FOXN3: variants seen among roughly 807,000 people sequenced by gnomAD.
The protein encoded by FOXN3 is forkhead box N3, also known as forkhead box protein N3.
FOXN3 carries 7 observed loss-of-function variants against 38.4 expected under a neutral mutation model. The observed-to-expected ratio is 0.18, with a 90% CI of 0.10 to 0.34. FOXN3 has a LOEUF of 0.34. FOXN3 is among the 10% of genes least tolerant of loss of function. The pLI is 1.00. For synonymous variants in FOXN3, 230 were observed against 242.2 expected, an observed-to-expected ratio of 0.95 and a Z score of 0.47; for missense variants, 456 against 613.4, an observed-to-expected ratio of 0.74 and a Z score of 2.71.
At position 89,357,857 on chromosome 14, in the gene FOXN3, C is replaced by T. The variant is rs539129416; in HGVS notation, c.544-7049G>A. ...AAAACTTATTCTCGCTATTATGCAA[C>T]GCGCGACTGTATCTGGAGGAATGGA... is the stretch of plus-strand genomic sequence containing the variant. On this transcript the variant is annotated intron_variant, in intron 2 of 5. Coordinates refer to ENST00000557258, the MANE Select transcript of FOXN3 (RefSeq NM_005197.4). Among the ~76,000 whole-genome samples, 7 of 152,254 alleles carry T rather than the reference C, an allele frequency of 4.6e-5. No homozygotes were observed. In the South Asian group the frequency reaches 8.3e-4, roughly 18 times the overall value.
chr14:89,382,756 T>C (rs191732401), intron 2 of FOXN3, among the ~76,000 whole-genome samples: 1 of 152,314 alleles, frequency 6.6e-6, no homozygotes, highest in East Asian at 1.9e-4. Flanking sequence ...TTGAGCTCTT[T>C]AGATAACATA....
At chr14:89,497,923 G>GA (rs1555357089) in intron 1 of FOXN3, among the ~76,000 whole-genome samples, 1 of 150,812 alleles carries the variant, frequency 6.6e-6, no homozygotes, top group Non-Finnish European at 1.5e-5. Context: ...TGTTTGTTTG[G>GA]TTTTTTTTTG....
intron 1 of FOXN3, among the ~76,000 whole-genome samples, chr14:89,566,727 C>T (rs1001239362): frequency 2.6e-5 from 4 of 152,136 alleles, no homozygotes; most frequent in Non-Finnish European, 5.9e-5. Context: ...CCCTAGGACA[C>T]CTGGGTGAAG....
At chr14:89,173,106 T>C (rs891034945) in intron 5 of FOXN3, among the ~76,000 whole-genome samples, 1 of 151,962 alleles carries the variant, frequency 6.6e-6, no homozygotes, top group African/African-American at 2.4e-5. Context: ...AGAACTCCTA[T>C]GAAGAGAAGA....
At chr14:89,209,119 A>G (rs376467836) in intron 4 of FOXN3, among the ~76,000 whole-genome samples, 2 of 152,356 alleles carry the variant, frequency 1.3e-5, no homozygotes, top group African/African-American at 4.8e-5. Context: ...GATATTCCAT[A>G]TATATGAATG....
chr14:89,278,802 A>G (rs528563827), intron 4 of FOXN3, among the ~76,000 whole-genome samples: 1 of 152,306 alleles, frequency 6.6e-6, no homozygotes, highest in South Asian at 2.1e-4. Context: ...TACATTTTTG[A>G]AAACAGAAAG....
At chr14:89,232,248 C>T (rs1022628291) in intron 4 of FOXN3, among the ~76,000 whole-genome samples, 1 of 152,236 alleles carries the variant, frequency 6.6e-6, no homozygotes, top group East Asian at 1.9e-4. Context: ...AACTGCTCAT[C>T]TGTAGGAGGA....
At chr14:89,471,313 TCTC>T (rs1290049297) in intron 1 of FOXN3, among the ~76,000 whole-genome samples, 1 of 152,030 alleles carries the variant, frequency 6.6e-6, no homozygotes, top group African/African-American at 2.4e-5. Flanking sequence ...TGTAAAGAAT[TCTC>T]CTGGGCCGGC....
chr14:89,382,847 C>T (rs1890687698), intron 2 of FOXN3, among the ~76,000 whole-genome samples: 1 of 152,082 alleles, frequency 6.6e-6, no homozygotes, highest in African/African-American at 2.4e-5. Flanking sequence ...TTGATGATGA[C>T]ATGTACGTGA....
intron 4 of FOXN3, among the ~76,000 whole-genome samples, chr14:89,196,713 G>A (rs2139814710): frequency 6.6e-6 from 1 of 152,272 alleles, no homozygotes; most frequent in East Asian, 1.9e-4. Flanking sequence ...TCCCTGCCAG[G>A]TCTGTTTCAC....
At chr14:89,330,741 T>C (rs1888224193) in intron 3 of FOXN3, among the ~76,000 whole-genome samples, 1 of 152,098 alleles carries the variant, frequency 6.6e-6, no homozygotes, top group Non-Finnish European at 1.5e-5. Context: ...ACATGAAAGG[T>C]CATTGGCTAA....
chr14:89,553,040 G>A (rs1369194353), intron 1 of FOXN3, among the ~76,000 whole-genome samples: 2 of 151,236 alleles, frequency 1.3e-5, no homozygotes, highest in Admixed American at 6.6e-5. Context: ...GGAGTTCAAG[G>A]CAAGCCTGTG....
At chr14:89,418,733 A>G (rs1454264157), upstream of FOXN3, among the ~76,000 whole-genome samples, 1 of 150,570 alleles carries the variant, frequency 6.6e-6, no homozygotes, top group African/African-American at 2.4e-5. Context: ...GTGGTAACAA[A>G]GCCAGGATGA....
In FOXN3 at chr14:89,552,912, G is replaced by C. The variant is rs182316030; in HGVS notation, c.-15+66116C>G. 1.9e-4 allele frequency among the ~76,000 whole-genome samples: 29 copies of C among 152,242 alleles called. No individual in the cohort carries two copies. The East Asian group carries it at 5.2e-3, about 27-fold the overall frequency. On this transcript the variant is annotated intron_variant, in intron 1 of 6. Transcript: ENST00000345097. ...TCTCCAAAAAGCAAAAAGTGATGGT[G>C]AGTCAACATGAAGGGACTCTTTCAA... is the stretch of plus-strand genomic sequence containing the variant.
chr14:89,321,734 G>C (rs1887903830), intron 3 of FOXN3, among the ~76,000 whole-genome samples: 1 of 151,328 alleles, frequency 6.6e-6, no homozygotes, highest in South Asian at 2.1e-4. Context: ...AATTTTGTTT[G>C]TTTAGAGTAC....
intron 3 of FOXN3, among the ~76,000 whole-genome samples, chr14:89,296,927 G>A (rs1026381351): frequency 2.0e-5 from 3 of 152,162 alleles, no homozygotes; most frequent in South Asian, 2.1e-4. Context: ...GTGAGCCACC[G>A]CATCCAGCCG....
At chr14:89,286,535 C>T (rs1360360871) in intron 3 of FOXN3, among the ~76,000 whole-genome samples, 1 of 152,132 alleles carries the variant, frequency 6.6e-6, no homozygotes, top group Non-Finnish European at 1.5e-5. Context: ...GATGGCAATC[C>T]CTTCGGATGG....
intron 3 of FOXN3, among the ~76,000 whole-genome samples, chr14:89,312,907 C>A (rs1260253786): frequency 6.6e-6 from 1 of 152,186 alleles, no homozygotes; most frequent in Non-Finnish European, 1.5e-5. Context: ...AGCTCACAAC[C>A]ACCACCTTCT....
intron 1 of FOXN3, among the ~76,000 whole-genome samples, chr14:89,446,432 G>A (rs955384613): frequency 7.2e-5 from 11 of 151,864 alleles, no homozygotes; most frequent in African/African-American, 1.2e-4. Flanking sequence ...CAAGTGACCC[G>A]CCTGTCTTGG....
Sources: gnomAD v4.1 joint callset for allele counts (sites outside exome capture counted in the v4.1 genomes callset) on GRCh38, gnomAD v4.1.1 for gene constraint, MANE v1.5 for transcripts, NCBI Gene and HGNC (gene_info 2026-07-23, HGNC 2026-07-21) for gene names.